UNC5C: variants seen among roughly 807,000 people sequenced by gnomAD.
The protein encoded by UNC5C is unc-5 netrin receptor C, also known as netrin receptor UNC5C.
In UNC5C, 47 loss-of-function variants were observed where a neutral mutation model predicts 99.8. The ratio of observed to expected loss-of-function variants is 0.47; its 90% CI spans 0.37 to 0.60. The LOEUF is 0.60. Ranked by LOEUF, UNC5C falls within the 20% of genes least tolerant of loss-of-function variation. The pLI is 0.00. For missense variants in UNC5C, 1,062 were observed against 1,165.9 expected (o/e 0.91, Z 1.30); for synonymous variants, 487 against 452.2 (o/e 1.08, Z -0.98).
chr4:95,257,115 C>T (rs115335016), intron 4 of UNC5C, among the ~76,000 whole-genome samples: 1,605 of 152,224 alleles, frequency 0.011, 33 homozygotes, highest in African/African-American at 0.037. Context: ...ATCAAGTTGA[C>T]ACTCACTATC....
At chr4:95,317,447 T>C (rs1347354013) in intron 2 of UNC5C, among the ~76,000 whole-genome samples, 29 of 151,612 alleles carry the variant, frequency 1.9e-4, no homozygotes, top group Non-Finnish European at 1.5e-5. Flanking sequence ...TGTGTGTGCA[T>C]GTGTATATGT....
intron 1 of UNC5C, among the ~76,000 whole-genome samples, chr4:95,337,423 G>A (rs1344128017): frequency 2.6e-5 from 4 of 151,818 alleles, no homozygotes; most frequent in African/African-American, 7.2e-5. Flanking sequence ...GTATTTAAAT[G>A]TTCACATGCT....
At chr4:95,528,300 G>C (rs1285581333) in intron 1 of UNC5C, among the ~76,000 whole-genome samples, 1 of 152,146 alleles carries the variant, frequency 6.6e-6, no homozygotes, top group African/African-American at 2.4e-5. Flanking sequence ...CTTTGAAGTA[G>C]TTCTACAGGC....
At chr4:95,526,156 T>C (rs1008969504) in intron 1 of UNC5C, among the ~76,000 whole-genome samples, 1 of 152,150 alleles carries the variant, frequency 6.6e-6, no homozygotes, top group Admixed American at 6.5e-5. Context: ...GATCTAACTT[T>C]TCCCCTAGTG....
At chr4:95,303,172 A>C (rs1352495279) in intron 2 of UNC5C, among the ~76,000 whole-genome samples, 2 of 152,196 alleles carry the variant, frequency 1.3e-5, no homozygotes, top group Admixed American at 1.3e-4. Context: ...ATAGTTGTGC[A>C]CACCAGTGTT....
chr4:95,464,959 A>G (rs1372031687), intron 1 of UNC5C, among the ~76,000 whole-genome samples: 1 of 152,196 alleles, frequency 6.6e-6, no homozygotes, highest in Non-Finnish European at 1.5e-5. Context: ...AAAATACGAC[A>G]AGTGGGTGTT....
chr4:95,232,180 ATG>A lies in UNC5C; in HGVS notation c.1108+10247_1108+10248del, dbSNP rs761875639. Among the ~76,000 whole-genome samples the A allele has an allele frequency of 4.1e-3, 621 of 151,694 alleles. 1 individual carries two copies. The highest frequency in any genetic ancestry group is 6.7e-3 in the South Asian group (32 of 4,802). On this transcript the variant is annotated intron_variant, in intron 7 of 15. Coordinates refer to ENST00000453304, the MANE Select transcript of UNC5C (RefSeq NM_003728.4). Reference sequence around the variant, plus strand: ...AGATCAGCTACTCAAGTGTTTTTATATGTGTTATATAAACTATATTATGTTTT... The same window carrying A: ...AGATCAGCTACTCAAGTGTTTTTATATGTTATATAAACTATATTATGTTTT...
At chr4:95,333,116 G>A (rs964600030) in intron 2 of UNC5C, among the ~76,000 whole-genome samples, 3 of 152,190 alleles carry the variant, frequency 2.0e-5, no homozygotes, top group Non-Finnish European at 2.9e-5. Context: ...CTTTTACACT[G>A]TTTGTGGGAC....
At chr4:95,228,052 T>G (rs1412694079) in intron 7 of UNC5C, among the ~76,000 whole-genome samples, 3 of 152,178 alleles carry the variant, frequency 2.0e-5, no homozygotes, top group Non-Finnish European at 4.4e-5. Context: ...CAAGAGAGCT[T>G]TCCTTGGTGT....
At chr4:95,324,226 G>C (rs567488414) in intron 2 of UNC5C, among the ~76,000 whole-genome samples, 4 of 152,094 alleles carry the variant, frequency 2.6e-5, no homozygotes, top group Non-Finnish European at 5.9e-5. Flanking sequence ...CAGATCAGCA[G>C]CAGCATTAGA....
intron 1 of UNC5C, among the ~76,000 whole-genome samples, chr4:95,397,073 G>T (rs957883127): frequency 6.6e-6 from 1 of 152,168 alleles, no homozygotes; most frequent in Non-Finnish European, 1.5e-5. Flanking sequence ...AAAAGGAAGG[G>T]TGGGCAGTCT....
chr4:95,249,944 A>G (rs1236897174), intron 5 of UNC5C, among the ~76,000 whole-genome samples: 1 of 152,146 alleles, frequency 6.6e-6, no homozygotes, highest in Non-Finnish European at 1.5e-5. Context: ...AGGGTTTGCA[A>G]TGATAAGACT....
intron 2 of UNC5C, among the ~76,000 whole-genome samples, chr4:95,323,090 G>A (rs2170780): frequency 0.64 from 96,655 of 151,940 alleles, 30,915 homozygotes; most frequent in East Asian, 0.85. Flanking sequence ...ACTTGGGTTT[G>A]TATATAGAAA....
chr4:95,169,663 A>G (rs1736009460), intron 15 of UNC5C, among the ~76,000 whole-genome samples: 1 of 152,206 alleles, frequency 6.6e-6, no homozygotes, highest in Admixed American at 6.5e-5. Context: ...CAGGAAATCA[A>G]GAGACTTATG....
At chr4:95,342,194 C>T (rs1468428840) in intron 1 of UNC5C, among the ~76,000 whole-genome samples, 1 of 152,106 alleles carries the variant, frequency 6.6e-6, no homozygotes, top group Non-Finnish European at 1.5e-5. Context: ...TAAGGGAGTG[C>T]TTGTGCCACC....
chr4:95,381,937 T>C (rs936046830), intron 1 of UNC5C, among the ~76,000 whole-genome samples: 3 of 152,034 alleles, frequency 2.0e-5, no homozygotes, highest in South Asian at 4.1e-4. Context: ...TGGTGGGTAA[T>C]AGTCTCTTAG....
At chr4:95,373,631 C>G (rs1434377305) in intron 1 of UNC5C, among the ~76,000 whole-genome samples, 1 of 152,136 alleles carries the variant, frequency 6.6e-6, no homozygotes, top group Non-Finnish European at 1.5e-5. Context: ...GCTGTATCCT[C>G]AGCACTAGCA....
chr4:95,261,264 T>C (rs542500457), intron 4 of UNC5C, among the ~76,000 whole-genome samples: 18 of 152,198 alleles, frequency 1.2e-4, no homozygotes, highest in South Asian at 6.2e-4. Context: ...AAAAGAAGCA[T>C]TGGACACACT....
At chr4:95,543,299 C>T (rs1722963218) in intron 1 of UNC5C, among the ~76,000 whole-genome samples, 1 of 152,082 alleles carries the variant, frequency 6.6e-6, no homozygotes, top group Non-Finnish European at 1.5e-5. Context: ...ATAAAATGCC[C>T]TACAAATCTC....
Sources: gnomAD v4.1 joint callset for allele counts (sites outside exome capture counted in the v4.1 genomes callset) on GRCh38, gnomAD v4.1.1 for gene constraint, MANE v1.5 for transcripts, NCBI Gene and HGNC (gene_info 2026-07-23, HGNC 2026-07-21) for gene names.